GALNT13: variants seen among roughly 807,000 people sequenced by gnomAD.
GALNT13 encodes the protein UDP-GalNAc:polypeptide N-acetylgalactosaminyltransferase 13.
A neutral mutation model predicts 64.2 loss-of-function variants in GALNT13; 28 were observed. The observed-to-expected ratio is 0.44, with a 90% CI of 0.32 to 0.60. The LOEUF (loss-of-function observed/expected upper bound fraction) is 0.60. Ranked by LOEUF, GALNT13 falls within the 20% of genes least tolerant of loss-of-function variation. GALNT13 has a pLI of 0.05. For synonymous variants in GALNT13, 214 were observed against 224.6 expected (o/e 0.95, Z 0.42); for missense variants, 577 against 669.8 (o/e 0.86, Z 1.53).
the GALNT13 span, among the ~76,000 whole-genome samples, chr2:153,226,903 A>G: frequency 6.6e-6 from 1 of 152,240 alleles, no homozygotes; most frequent in Admixed American, 6.5e-5. Flanking sequence ...GTGTGGAAAT[A>G]GTAAAATATC....
At chr2:153,854,236 A>G in the GALNT13 span, among the ~76,000 whole-genome samples, 1 of 151,816 alleles carries the variant, frequency 6.6e-6, no homozygotes, top group Non-Finnish European at 1.5e-5. Flanking sequence ...AAATCTTTCT[A>G]TAAATCCGAA....
At chr2:154,116,385 C>G (rs531977034) in intron 3 of GALNT13, among the ~76,000 whole-genome samples, 2 of 152,190 alleles carry the variant, frequency 1.3e-5, no homozygotes, top group South Asian at 4.2e-4. Context: ...GATAAGAGCT[C>G]GTGTCCTGTT....
chr2:153,211,793 G>A, the GALNT13 span, among the ~76,000 whole-genome samples: 1 of 152,170 alleles, frequency 6.6e-6, no homozygotes, highest in Non-Finnish European at 1.5e-5. Context: ...ATAGTCATCA[G>A]GGTATGAGGT....
chr2:153,472,494 A>G, the GALNT13 span, among the ~76,000 whole-genome samples: 3 of 152,166 alleles, frequency 2.0e-5, no homozygotes, highest in Non-Finnish European at 4.4e-5. Context: ...TTCCAGTAAT[A>G]AGTAGTAATG....
At chr2:153,539,479 C>T in the GALNT13 span, among the ~76,000 whole-genome samples, 1 of 151,828 alleles carries the variant, frequency 6.6e-6, no homozygotes, top group Non-Finnish European at 1.5e-5. Flanking sequence ...TGCCTATGTC[C>T]TCAATGGTAA....
At chr2:154,074,556 T>C (rs549758579) in intron 3 of GALNT13, among the ~76,000 whole-genome samples, 1 of 151,840 alleles carries the variant, frequency 6.6e-6, no homozygotes, top group African/African-American at 2.4e-5. Context: ...GAGAATAAGA[T>C]AAGGGACACC....
At chr2:153,113,725 A>C in the GALNT13 span, among the ~76,000 whole-genome samples, 1 of 152,052 alleles carries the variant, frequency 6.6e-6, no homozygotes, top group Non-Finnish European at 1.5e-5. Flanking sequence ...TATATTGTGT[A>C]TGTCTAGCCT....
intron 8 of GALNT13, among the ~76,000 whole-genome samples, chr2:154,263,738 A>T (rs1690827432): frequency 6.6e-6 from 1 of 152,134 alleles, no homozygotes; most frequent in Non-Finnish European, 1.5e-5. Flanking sequence ...ATTTTTCTAC[A>T]CTCATAAATC....
chr2:153,867,094 A>G (rs1046795146), upstream of GALNT13, among the ~76,000 whole-genome samples: 1 of 152,242 alleles, frequency 6.6e-6, no homozygotes, highest in Admixed American at 6.5e-5. Context: ...CCACTAAAAT[A>G]ACAAATCAAC....
chr2:154,430,099 A>G (rs1346035766), intron 11 of GALNT13, among the ~76,000 whole-genome samples: 1 of 152,184 alleles, frequency 6.6e-6, no homozygotes, highest in Non-Finnish European at 1.5e-5. Flanking sequence ...TGCTAACACA[A>G]TATTCATTCT....
At chr2:154,342,623 A>G (rs1013164577) in intron 9 of GALNT13, among the ~76,000 whole-genome samples, 1 of 152,058 alleles carries the variant, frequency 6.6e-6, no homozygotes, top group African/African-American at 2.4e-5. Context: ...TACAACACAC[A>G]TGCTTATTTG....
At chr2:154,249,099 A>G (rs1217461397) in intron 7 of GALNT13, among the ~76,000 whole-genome samples, 1 of 152,046 alleles carries the variant, frequency 6.6e-6, no homozygotes, top group Non-Finnish European at 1.5e-5. Context: ...TGCAAATAAT[A>G]CTCTAGATCA....
the GALNT13 span, among the ~76,000 whole-genome samples, chr2:153,076,119 A>G: frequency 6.6e-6 from 1 of 152,032 alleles, no homozygotes; most frequent in Non-Finnish European, 1.5e-5. Flanking sequence ...TTTGGGGTAG[A>G]TTTCTGAAAA....
Position 153,944,516 on chromosome 2 carries a change from T to G in GALNT13, c.19T>G (p.Cys7Gly), listed in dbSNP as rs752295859. ...GAAAGACATGAGGAGATTTGTCTACTGCAAGGTGGTTCTAGCCACTTCGCT... is the reference window on the plus strand; with the variant it reads ...GAAAGACATGAGGAGATTTGTCTACGGCAAGGTGGTTCTAGCCACTTCGCT... MRRFVY[C>G]KVVLATSLMW... Residue 7 changes from cysteine to glycine, a missense_variant, in exon 3 of 13, where the codon TGC becomes GGC. Cys to Gly is a radical substitution (Grantham distance 159). Transcript: ENST00000392825. The G allele has an allele frequency of 8.1e-6, 13 of 1,613,366 alleles. No individual in the cohort carries two copies. Among genetic ancestry groups the G allele is most frequent in the Non-Finnish European group, 1.1e-5 (13 of 1,179,618 alleles).
At chr2:154,138,837 C>A (rs1209063100) in intron 3 of GALNT13, among the ~76,000 whole-genome samples, 2 of 151,952 alleles carry the variant, frequency 1.3e-5, no homozygotes, top group East Asian at 1.9e-4. Context: ...ATACTAACAC[C>A]TAAAGAAAAT....
chr2:153,834,255 A>G, the GALNT13 span, among the ~76,000 whole-genome samples: 85 of 152,140 alleles, frequency 5.6e-4, no homozygotes, highest in Non-Finnish European at 1.0e-3. Context: ...TGAGACTGCA[A>G]GATATGCAAA....
At chr2:153,780,257 A>G in the GALNT13 span, among the ~76,000 whole-genome samples, 1 of 65,940 alleles carries the variant, frequency 1.5e-5, no homozygotes, top group South Asian at 3.8e-4. Flanking sequence ...ATATATATAT[A>G]TGCATATATA....
chr2:153,977,039 T>C (rs72866832), intron 3 of GALNT13, among the ~76,000 whole-genome samples: 9,635 of 152,190 alleles, frequency 0.063, 406 homozygotes, highest in Middle Eastern at 0.13. Context: ...ATATTGCTTT[T>C]GTCAATAAGG....
chr2:154,210,896 A>G (rs190694766), intron 4 of GALNT13, among the ~76,000 whole-genome samples: 2 of 152,178 alleles, frequency 1.3e-5, no homozygotes, highest in Non-Finnish European at 2.9e-5. Context: ...AGGTGGACGC[A>G]ATGTTAGAAA....
Sources: gnomAD v4.1 joint callset for allele counts (sites outside exome capture counted in the v4.1 genomes callset) on GRCh38, gnomAD v4.1.1 for gene constraint, MANE v1.5 for transcripts, NCBI Gene and HGNC (gene_info 2026-07-23, HGNC 2026-07-21) for gene names.